The following CLVS1 variants were observed in gnomAD, a reference collection of about 807,000 sequenced individuals.
CLVS1 encodes the protein clavesin 1, also known as clavesin-1.
A neutral mutation model predicts 33.1 loss-of-function variants in CLVS1; 10 were observed. That is an observed-to-expected ratio of 0.30 (90% confidence interval 0.19 to 0.51). CLVS1 has a LOEUF of 0.51. Ranked by LOEUF, CLVS1 falls within the 20% of genes least tolerant of loss-of-function variation. CLVS1 has a pLI of 0.97. For synonymous variants in CLVS1, 163 were observed against 166.1 expected (o/e 0.98, Z 0.14); for missense variants, 343 against 433.4 (o/e 0.79, Z 1.85).
chr8:61,054,852 T>C (rs775717059), upstream of CLVS1, among the ~76,000 whole-genome samples: 53 of 152,284 alleles, frequency 3.5e-4, no homozygotes, highest in Middle Eastern at 3.4e-3. Flanking sequence ...CCAGTGATCA[T>C]TTCTAGCTAC....
intron 5 of CLVS1, among the ~76,000 whole-genome samples, chr8:61,478,534 G>C (rs577654711): frequency 6.6e-6 from 1 of 152,292 alleles, no homozygotes; most frequent in South Asian, 2.1e-4. Context: ...AGGATAGTTA[G>C]TTCTTCTTGT....
chr8:61,363,117 C>A (rs1440719244), intron 2 of CLVS1, among the ~76,000 whole-genome samples: 3 of 152,102 alleles, frequency 2.0e-5, no homozygotes, highest in African/African-American at 7.2e-5. Context: ...CCTCTTTTCC[C>A]CTTTGGAAAT....
the CLVS1 span, among the ~76,000 whole-genome samples, chr8:61,018,420 T>C: frequency 6.6e-6 from 1 of 152,190 alleles, no homozygotes; most frequent in Non-Finnish European, 1.5e-5. Flanking sequence ...AAATGACATT[T>C]GCTTTGAGTT....
At chr8:61,138,635 T>TG (rs1381022140) in intron 2 of CLVS1, among the ~76,000 whole-genome samples, 1 of 110,726 alleles carries the variant, frequency 9.0e-6, no homozygotes, top group African/African-American at 3.5e-5. Context: ...GGGGTAAGGG[T>TG]GGGGGGATAG....
intron 2 of CLVS1, among the ~76,000 whole-genome samples, chr8:61,187,129 A>G (rs1478297278): frequency 1.1e-5 from 1 of 92,126 alleles, no homozygotes; most frequent in East Asian, 2.0e-4. Flanking sequence ...AAGGCATTGC[A>G]ATATTTTTTT....
the CLVS1 span, among the ~76,000 whole-genome samples, chr8:61,021,639 G>T: frequency 6.6e-6 from 1 of 151,946 alleles, no homozygotes; most frequent in African/African-American, 2.4e-5. Context: ...TGGGATTACC[G>T]CATGAGCGCA....
intron 2 of CLVS1, among the ~76,000 whole-genome samples, chr8:61,154,911 C>A (rs571984322): frequency 1.3e-5 from 2 of 152,300 alleles, no homozygotes; most frequent in East Asian, 3.9e-4. Flanking sequence ...AAAGCATGAG[C>A]TGTCCAGGCC....
At chr8:61,398,493 T>C (rs1426450096) in intron 3 of CLVS1, among the ~76,000 whole-genome samples, 1 of 152,138 alleles carries the variant, frequency 6.6e-6, no homozygotes, top group Non-Finnish European at 1.5e-5. Flanking sequence ...AAGTCTTGCA[T>C]TTCTTTTGTT....
the CLVS1 span, among the ~76,000 whole-genome samples, chr8:61,021,016 T>A: frequency 6.6e-6 from 1 of 152,208 alleles, no homozygotes; most frequent in Admixed American, 6.5e-5. Flanking sequence ...TCCTAGCCCA[T>A]GCTGCACACA....
At chr8:61,438,599 G>A (rs369823407) in intron 3 of CLVS1, among the ~76,000 whole-genome samples, 11 of 152,058 alleles carry the variant, frequency 7.2e-5, no homozygotes, top group Non-Finnish European at 8.8e-5. Context: ...TTGAGAAATC[G>A]CCACACTGTT....
At chr8:61,387,244 G>T (rs116674133) in intron 3 of CLVS1, among the ~76,000 whole-genome samples, 1 of 151,920 alleles carries the variant, frequency 6.6e-6, no homozygotes, top group Non-Finnish European at 1.5e-5. Context: ...AAAATTAGCC[G>T]GTCATGATGG....
At chr8:61,309,446 A>G (rs79009895) in intron 2 of CLVS1, among the ~76,000 whole-genome samples, 1 of 152,198 alleles carries the variant, frequency 6.6e-6, no homozygotes, top group East Asian at 1.9e-4. Context: ...TCTCACCTCC[A>G]AACCCCTCAG....
the CLVS1 span, among the ~76,000 whole-genome samples, chr8:61,003,888 A>G: frequency 6.6e-5 from 10 of 152,228 alleles, no homozygotes; most frequent in Non-Finnish European, 1.5e-4. Flanking sequence ...TTAGGTGGTG[A>G]AAAATTCTCA....
intron 2 of CLVS1, among the ~76,000 whole-genome samples, chr8:61,351,691 GAA>G (rs1812469537): frequency 6.6e-6 from 1 of 151,944 alleles, no homozygotes; most frequent in Non-Finnish European, 1.5e-5. Context: ...CAGTCAGAGA[GAA>G]AGAACACATC....
chr8:61,081,179 G>T (rs547381152), intron 1 of CLVS1, among the ~76,000 whole-genome samples: 1 of 152,290 alleles, frequency 6.6e-6, no homozygotes, highest in South Asian at 2.1e-4. Context: ...GTTGTGCTTT[G>T]CTGCTAGGAC....
intron 1 of CLVS1, among the ~76,000 whole-genome samples, chr8:61,103,890 TG>T (rs753578342): frequency 2.6e-4 from 39 of 152,228 alleles, no homozygotes; most frequent in Non-Finnish European, 4.8e-4. Context: ...TGGGGATTTA[TG>T]AGTAAAGAAT....
At chr8:61,480,238 G>C (rs1480369763) in intron 5 of CLVS1, among the ~76,000 whole-genome samples, 1 of 152,228 alleles carries the variant, frequency 6.6e-6, no homozygotes, top group African/African-American at 2.4e-5. Flanking sequence ...CACCCAGTTC[G>C]AGCTTCCCGG....
At chr8:61,049,855 G>T in the CLVS1 span, among the ~76,000 whole-genome samples, 2 of 152,224 alleles carry the variant, frequency 1.3e-5, no homozygotes, top group African/African-American at 4.8e-5. Context: ...GCATAGAAGC[G>T]GCGCTGAAAC....
At chr8:61,010,244 G>C in the CLVS1 span, among the ~76,000 whole-genome samples, 1 of 152,130 alleles carries the variant, frequency 6.6e-6, no homozygotes, top group Non-Finnish European at 1.5e-5. Flanking sequence ...ATCTTGCACT[G>C]TCCTCCCCTG....
Sources: gnomAD v4.1 joint callset for allele counts (sites outside exome capture counted in the v4.1 genomes callset) on GRCh38, gnomAD v4.1.1 for gene constraint, MANE v1.5 for transcripts, NCBI Gene and HGNC (gene_info 2026-07-23, HGNC 2026-07-21) for gene names.